HS3ST3A1: variants seen among roughly 807,000 people sequenced by gnomAD.
HS3ST3A1 encodes heparan sulfate-glucosamine 3-sulfotransferase 3A1, also known as heparan sulfate glucosamine 3-O-sulfotransferase 3A1.
Under a neutral mutation model 25.7 loss-of-function variants are expected in HS3ST3A1, and 19 were observed. That is an observed-to-expected ratio of 0.74 (90% CI 0.52 to 1.08). The LOEUF is 1.08. HS3ST3A1 is among the 50% of genes least tolerant of loss of function. The pLI, the probability that HS3ST3A1 is intolerant of heterozygous loss-of-function variation, is 0.00. For synonymous variants in HS3ST3A1, 226 were observed against 278.6 expected (o/e 0.81, Z 1.88); for missense variants, 459 against 594.3 (o/e 0.77, Z 2.37).
intron 1 of HS3ST3A1, among the ~76,000 whole-genome samples, chr17:13,539,414 TC>T (rs1906864609): frequency 6.6e-6 from 1 of 152,256 alleles, no homozygotes; most frequent in African/African-American, 2.4e-5. Context: ...AATGTTTTTC[TC>T]AACCCTAGCG....
intron 1 of HS3ST3A1, among the ~76,000 whole-genome samples, chr17:13,529,681 C>T (rs552077882): frequency 6.6e-6 from 1 of 152,280 alleles, no homozygotes; most frequent in Admixed American, 6.5e-5. Flanking sequence ...ACAAAATCCT[C>T]CTACCTTCAC....
chr17:13,550,974 G>A (rs1405201876), intron 1 of HS3ST3A1, among the ~76,000 whole-genome samples: 1 of 151,642 alleles, frequency 6.6e-6, no homozygotes, highest in Non-Finnish European at 1.5e-5. Flanking sequence ...GGCTGAGGCA[G>A]GAGAATGGCA....
At chr17:13,535,429 C>T (rs1459027369) in intron 1 of HS3ST3A1, among the ~76,000 whole-genome samples, 1 of 152,130 alleles carries the variant, frequency 6.6e-6, no homozygotes. Context: ...GCAAGAAAGC[C>T]AGGTTACAGT....
At chr17:13,529,060 G>C (rs1906522745) in intron 1 of HS3ST3A1, among the ~76,000 whole-genome samples, 1 of 152,132 alleles carries the variant, frequency 6.6e-6, no homozygotes, top group African/African-American at 2.4e-5. Context: ...GTAGTCCTGG[G>C]AGAAGAATGA....
rs930483796 is a variant in HS3ST3A1 at position 13,494,132 on chromosome 17, C to G, written c.*2065G>C. 2.0e-5 allele frequency among the ~76,000 whole-genome samples: 3 copies of G among 152,102 alleles called. No homozygotes were observed. Among genetic ancestry groups the G allele is most frequent in the African/African-American group, 7.2e-5 (3 of 41,426 alleles). On this transcript the variant is annotated 3_prime_UTR_variant, in exon 2 of 2. Coordinates refer to ENST00000284110, the MANE Select transcript of HS3ST3A1 (RefSeq NM_006042.3). ...TGTGCAAGCCACTTTTGCATAATGC[C>G]AAGCAAACACTTACAAAAGAATCAG...
intron 1 of HS3ST3A1, among the ~76,000 whole-genome samples, chr17:13,507,156 T>A (rs1458851977): frequency 6.6e-6 from 1 of 151,070 alleles, no homozygotes; most frequent in African/African-American, 2.4e-5. Context: ...AAATAATAGA[T>A]CCAGGGCAGC....
intron 1 of HS3ST3A1, among the ~76,000 whole-genome samples, chr17:13,551,278 G>A (rs1034690866): frequency 2.7e-4 from 41 of 151,358 alleles, no homozygotes; most frequent in Non-Finnish European, 4.4e-4. Flanking sequence ...GAACCTGGGA[G>A]GCAGAGGTTG....
At chr17:13,584,884 A>G (rs865806887) in intron 1 of HS3ST3A1, among the ~76,000 whole-genome samples, 6 of 152,196 alleles carry the variant, frequency 3.9e-5, no homozygotes, top group Non-Finnish European at 5.9e-5. Flanking sequence ...GAAGTTCATT[A>G]CATTCCTGTG....
At chr17:13,581,524 T>A in intron 1 of HS3ST3A1, among the ~76,000 whole-genome samples, 1 of 148,914 alleles carries the variant, frequency 6.7e-6, no homozygotes, top group Middle Eastern at 3.6e-3. Context: ...CATAAGCTAA[T>A]AAAATAATAT....
At chr17:13,555,942 C>A (rs1907360721) in intron 1 of HS3ST3A1, 1 of 152,118 alleles carries the variant, frequency 6.6e-6, no homozygotes, top group South Asian at 2.1e-4. Context: ...ATAAAAGATA[C>A]CTTTGGTTTC....
intron 1 of HS3ST3A1, among the ~76,000 whole-genome samples, chr17:13,544,504 T>G (rs1907029017): frequency 6.6e-6 from 1 of 152,170 alleles, no homozygotes; most frequent in Non-Finnish European, 1.5e-5. Context: ...TGTTTCACAT[T>G]TCTTTCATTC....
At chr17:13,508,497 G>A (rs563048944) in intron 1 of HS3ST3A1, among the ~76,000 whole-genome samples, 2 of 152,312 alleles carry the variant, frequency 1.3e-5, no homozygotes, top group Non-Finnish European at 2.9e-5. Flanking sequence ...AGTTTCCCAA[G>A]CAATTCCACA....
At chr17:13,578,464 C>G (rs542455703) in intron 1 of HS3ST3A1, among the ~76,000 whole-genome samples, 54 of 148,066 alleles carry the variant, frequency 3.6e-4, no homozygotes, top group African/African-American at 1.3e-3. Context: ...TTGGGAAGTG[C>G]AGGTAGAAGA....
intron 1 of HS3ST3A1, among the ~76,000 whole-genome samples, chr17:13,586,910 T>C (rs1908290362): frequency 7.1e-6 from 1 of 141,658 alleles, no homozygotes; most frequent in Non-Finnish European, 1.5e-5. Flanking sequence ...CATACTAGAT[T>C]TTGAAGACTT....
chr17:13,600,386 A>G (rs1389577173), intron 1 of HS3ST3A1, 145 bp downstream of exon 1: 3 of 1,353,540 alleles, frequency 2.2e-6, no homozygotes, highest in Non-Finnish European at 2.9e-6. Flanking sequence ...GAAGGCGGAG[A>G]GGGAAGAAAG....
intron 1 of HS3ST3A1, among the ~76,000 whole-genome samples, chr17:13,527,241 G>A (rs1167412600): frequency 6.6e-6 from 1 of 151,988 alleles, no homozygotes; most frequent in East Asian, 1.9e-4. Flanking sequence ...TAAAGACACT[G>A]AACTATGTTC....
At chr17:13,558,816 A>C (rs888426911) in intron 1 of HS3ST3A1, among the ~76,000 whole-genome samples, 1 of 152,122 alleles carries the variant, frequency 6.6e-6, no homozygotes, top group African/African-American at 2.4e-5. Flanking sequence ...AGTCTAAAAA[A>C]TTGTCACAAA....
At chr17:13,518,566 G>T (rs924178086) in intron 1 of HS3ST3A1, among the ~76,000 whole-genome samples, 2 of 152,104 alleles carry the variant, frequency 1.3e-5, no homozygotes, top group African/African-American at 4.8e-5. Flanking sequence ...TTTTCATCAG[G>T]AGTGGAATCT....
intron 1 of HS3ST3A1, among the ~76,000 whole-genome samples, chr17:13,514,702 T>C (rs960473368): frequency 1.5e-4 from 23 of 152,268 alleles, no homozygotes; most frequent in Middle Eastern, 3.4e-3. Flanking sequence ...CGTTTCCTTT[T>C]GAGGAAACGT....
Sources: allele counts gnomAD v4.1 joint callset (sites outside exome capture counted in the v4.1 genomes callset), GRCh38; gene constraint gnomAD v4.1.1; transcripts MANE v1.5; gene names NCBI Gene and HGNC (gene_info 2026-07-23, HGNC 2026-07-21).